Variants in CHD2 observed in about 807,000 individuals in gnomAD.
CHD2 encodes the protein chromodomain helicase DNA binding protein 2, also known as ATP-dependent chromatin remodeler CHD2.
In CHD2, 28 loss-of-function variants were observed where a neutral mutation model predicts 243.9. The ratio of observed to expected loss-of-function variants is 0.11; its 90% CI spans 0.09 to 0.16. CHD2 has a LOEUF of 0.16. Among genes scored for constraint, CHD2 ranks in the 10% least tolerant of loss-of-function variants. The pLI is 1.00. For missense variants in CHD2, 1,386 were observed against 2,209.8 expected (o/e 0.63, Z 7.47); for synonymous variants, 775 against 779.0 (o/e 0.99, Z 0.09).
chr15:92,989,272 TC>T (rs1380494691), intron 26 of CHD2, among the ~76,000 whole-genome samples: 2 of 152,140 alleles, frequency 1.3e-5, no homozygotes, highest in Non-Finnish European at 2.9e-5. Flanking sequence ...CCTCAGGTGA[TC>T]CACCCGCCTC....
intron 26 of CHD2, among the ~76,000 whole-genome samples, chr15:92,990,684 A>G (rs1244472326): frequency 2.0e-5 from 3 of 152,166 alleles, no homozygotes; most frequent in African/African-American, 7.2e-5. Context: ...TTCTGTAGCC[A>G]TGTCTTCTCA....
At chr15:92,992,821 C>T (rs1280582525) in intron 27 of CHD2, 38 bp from the exon 28 acceptor site, 3 of 1,605,060 alleles carry the variant, frequency 1.9e-6, no homozygotes, top group Non-Finnish European at 2.5e-6. Flanking sequence ...AGAGTGGGCA[C>T]AGGGTCCTAA....
chr15:92,915,801 A>C (rs1227297797), intron 2 of CHD2, among the ~76,000 whole-genome samples: 1 of 152,218 alleles, frequency 6.6e-6, no homozygotes, highest in Non-Finnish European at 1.5e-5. Context: ...TGTGTCAGGC[A>C]AACCTGCCTC....
intron 2 of CHD2, among the ~76,000 whole-genome samples, chr15:92,913,372 C>T (rs1174567029): frequency 1.3e-5 from 2 of 152,164 alleles, no homozygotes; most frequent in Non-Finnish European, 2.9e-5. Flanking sequence ...AATGATACTT[C>T]TAGGCAGTGG....
intron 5 of CHD2, 75 bp from the exon 6 acceptor site, chr15:92,937,443 A>G: frequency 9.3e-7 from 1 of 1,072,838 alleles, no homozygotes; most frequent in Non-Finnish European, 1.4e-6. Context: ...GTAAAATTGA[A>G]ATTGGTTTTG....
At chr15:92,969,877 T>C (rs2053818324) in intron 17 of CHD2, among the ~76,000 whole-genome samples, 1 of 151,110 alleles carries the variant, frequency 6.6e-6, no homozygotes, top group African/African-American at 2.4e-5. Context: ...AGTGGCACGA[T>C]CTCAGCTTAC....
chr15:92,981,537 C>G, intron 24 of CHD2, 80 bp downstream of exon 24: 1 of 1,078,880 alleles, frequency 9.3e-7, no homozygotes, highest in Non-Finnish European at 1.4e-6. Flanking sequence ...TTTCTTTGTG[C>G]TAGGCGCTCT....
chr15:93,003,286 C>CAAA (rs397853913), intron 33 of CHD2, among the ~76,000 whole-genome samples: 2 of 131,042 alleles, frequency 1.5e-5, no homozygotes, highest in East Asian at 2.1e-4. Context: ...GACCTTGTCT[C>CAAA]AAAAAAAAAA....
At chr15:92,903,347 G>T (rs1266717023) in intron 2 of CHD2, among the ~76,000 whole-genome samples, 1 of 152,104 alleles carries the variant, frequency 6.6e-6, no homozygotes, top group Non-Finnish European at 1.5e-5. Flanking sequence ...CACCTTTGCA[G>T]CCTGAGCCAC....
intron 2 of CHD2, among the ~76,000 whole-genome samples, chr15:92,907,061 A>G (rs529839503): frequency 6.6e-6 from 1 of 152,338 alleles, no homozygotes; most frequent in East Asian, 1.9e-4. Flanking sequence ...ATGCTGGAAC[A>G]CATTACTCAC....
chr15:92,933,751 G>T (rs143566234), intron 5 of CHD2, among the ~76,000 whole-genome samples: 1 of 152,084 alleles, frequency 6.6e-6, no homozygotes, highest in Admixed American at 6.5e-5. Context: ...GACTGCAGGC[G>T]CACACCACCA....
At chr15:92,937,896 C>T (rs749839579) in intron 6 of CHD2, among the ~76,000 whole-genome samples, 16 of 152,186 alleles carry the variant, frequency 1.1e-4, no homozygotes, top group Non-Finnish European at 2.4e-4. Flanking sequence ...TTTGGGAGAA[C>T]AAATTGTTTA....
intron 37 of CHD2, 52 bp from the exon 38 acceptor site, chr15:93,019,960 T>C: frequency 6.5e-7 from 1 of 1,549,748 alleles, no homozygotes; most frequent in Non-Finnish European, 8.7e-7. Context: ...GTAGTGAAAG[T>C]GAAATTCATC....
intron 2 of CHD2, among the ~76,000 whole-genome samples, chr15:92,904,247 T>C (rs2052574554): frequency 6.6e-6 from 1 of 152,230 alleles, no homozygotes; most frequent in South Asian, 2.1e-4. Flanking sequence ...CATTGCACTG[T>C]GTACTCGCCA....
chr15:92,916,353 A>AT (rs1429443182), intron 2 of CHD2, among the ~76,000 whole-genome samples: 1 of 152,256 alleles, frequency 6.6e-6, no homozygotes, highest in Non-Finnish European at 1.5e-5. Flanking sequence ...ATTTACAGAC[A>AT]TAATTCAGCC....
intron 24 of CHD2, among the ~76,000 whole-genome samples, chr15:92,981,747 G>A (rs975190084): frequency 3.3e-5 from 5 of 152,212 alleles, no homozygotes; most frequent in South Asian, 2.1e-4. Flanking sequence ...GAACCAGGAC[G>A]TGTGGAGCAC....
chr15:92,931,524 C>T (rs1309107006), intron 5 of CHD2, among the ~76,000 whole-genome samples: 1 of 152,062 alleles, frequency 6.6e-6, no homozygotes, highest in Non-Finnish European at 1.5e-5. Context: ...GGACGACAGG[C>T]GTGCACCACC....
intron 17 of CHD2, among the ~76,000 whole-genome samples, chr15:92,969,202 AAGTTGATTT>A (rs1270115349): frequency 2.6e-5 from 4 of 152,208 alleles, no homozygotes; most frequent in Admixed American, 6.5e-5. Flanking sequence ...CAGTTTACTT[AAGTTGATTT>A]AGTTGAGTTT....
chr15:92,917,255 T>TC (rs1468948833), intron 2 of CHD2, among the ~76,000 whole-genome samples: 7 of 152,174 alleles, frequency 4.6e-5, no homozygotes, highest in Non-Finnish European at 8.8e-5. Context: ...CATCCAGTAT[T>TC]CTTTACCAAT....
Sources: gnomAD v4.1 joint callset for allele counts (sites outside exome capture counted in the v4.1 genomes callset) on GRCh38, gnomAD v4.1.1 for gene constraint, MANE v1.5 for transcripts, NCBI Gene and HGNC (gene_info 2026-07-23, HGNC 2026-07-21) for gene names.